The following RGS6 variants were observed in gnomAD, a reference collection of about 807,000 sequenced individuals.
RGS6 encodes the protein regulator of G protein signaling 6.
In RGS6, 30 loss-of-function variants were observed where a neutral mutation model predicts 78.5. That is an observed-to-expected ratio of 0.38 (90% CI 0.29 to 0.52). The LOEUF is 0.52. Ranked by LOEUF, RGS6 falls within the 20% of genes least tolerant of loss-of-function variation. RGS6 has a pLI of 0.85. For missense variants in RGS6, 495 were observed against 609.7 expected, an observed-to-expected ratio of 0.81 and a Z score of 1.98; for synonymous variants, 206 against 206.0, an observed-to-expected ratio of 1.00 and a Z score of 0.00.
intron 2 of RGS6, among the ~76,000 whole-genome samples, chr14:72,240,886 C>T (rs575667650): frequency 4.6e-5 from 7 of 152,228 alleles, no homozygotes; most frequent in South Asian, 2.1e-4. Context: ...TGGCCAGGCG[C>T]GGTGGCTCAC....
At chr14:72,450,443 C>T (rs994943964) in intron 3 of RGS6, among the ~76,000 whole-genome samples, 6 of 152,020 alleles carry the variant, frequency 3.9e-5, no homozygotes, top group African/African-American at 9.7e-5. Context: ...TAATAAAACA[C>T]GCATGCAATG....
At chr14:72,165,829 G>A (rs1302640851) in intron 2 of RGS6, among the ~76,000 whole-genome samples, 5 of 152,058 alleles carry the variant, frequency 3.3e-5, no homozygotes, top group African/African-American at 1.2e-4. Context: ...CCTGTTCTCT[G>A]TGGACATGTG....
At chr14:72,397,020 C>T (rs1185983064) in intron 3 of RGS6, among the ~76,000 whole-genome samples, 6 of 152,152 alleles carry the variant, frequency 3.9e-5, no homozygotes, top group African/African-American at 7.2e-5. Flanking sequence ...ATTGACTTGG[C>T]AATGCGGGCT....
the RGS6 span, among the ~76,000 whole-genome samples, chr14:71,871,828 C>A: frequency 3.9e-5 from 6 of 152,334 alleles, no homozygotes; most frequent in South Asian, 2.1e-4. Context: ...CAACAGCATT[C>A]TTTTCCTCTC....
At chr14:71,972,759 G>A (rs2093889535) in intron 2 of RGS6, among the ~76,000 whole-genome samples, 1 of 152,190 alleles carries the variant, frequency 6.6e-6, no homozygotes, top group African/African-American at 2.4e-5. Flanking sequence ...ATCAGTGGCA[G>A]TGGTAATACA....
intron 2 of RGS6, among the ~76,000 whole-genome samples, chr14:72,348,476 C>T (rs2078483903): frequency 6.6e-6 from 1 of 152,062 alleles, no homozygotes; most frequent in South Asian, 2.1e-4. Context: ...TCCTGAGAGC[C>T]CACTTGTAAT....
chr14:72,132,925 C>G (rs1249105279), intron 2 of RGS6, among the ~76,000 whole-genome samples: 3 of 151,910 alleles, frequency 2.0e-5, no homozygotes, highest in African/African-American at 7.3e-5. Context: ...GGACATTTGG[C>G]ATCAGACTAA....
intron 3 of RGS6, among the ~76,000 whole-genome samples, chr14:72,354,835 T>C (rs1330019508): frequency 1.3e-5 from 2 of 152,178 alleles, no homozygotes; most frequent in Non-Finnish European, 2.9e-5. Flanking sequence ...ATACTTGTAT[T>C]GTTAGTGTTC....
chr14:71,963,641 G>A (rs115922225), intron 1 of RGS6, among the ~76,000 whole-genome samples: 92 of 152,316 alleles, frequency 6.0e-4, no homozygotes, highest in Middle Eastern at 3.4e-3. Context: ...CACTTAGCGT[G>A]TTTTCACTTA....
intron 2 of RGS6, among the ~76,000 whole-genome samples, chr14:72,088,378 C>T (rs1037862872): frequency 2.6e-5 from 4 of 152,130 alleles, no homozygotes; most frequent in Non-Finnish European, 5.9e-5. Context: ...TGCCTTGCGC[C>T]GATTGCTGGC....
At chr14:72,080,573 C>T (rs2094777651) in intron 2 of RGS6, among the ~76,000 whole-genome samples, 1 of 151,986 alleles carries the variant, frequency 6.6e-6, no homozygotes, top group Non-Finnish European at 1.5e-5. Context: ...CTTTTAGAAC[C>T]TGATCAAAAA....
chr14:72,415,915 C>A (rs1391104777), intron 3 of RGS6, among the ~76,000 whole-genome samples: 2 of 152,058 alleles, frequency 1.3e-5, no homozygotes, highest in African/African-American at 4.8e-5. Flanking sequence ...TTCGGGAGGC[C>A]AAGGCGGGCA....
At chr14:72,100,355 C>A (rs562363089) in intron 2 of RGS6, among the ~76,000 whole-genome samples, 8 of 151,926 alleles carry the variant, frequency 5.3e-5, no homozygotes, top group African/African-American at 1.9e-4. Context: ...ATTAGCTAGG[C>A]GTGGTGGTGC....
chr14:71,967,382 A>G (rs940048321), intron 2 of RGS6, among the ~76,000 whole-genome samples: 1 of 152,106 alleles, frequency 6.6e-6, no homozygotes, highest in Non-Finnish European at 1.5e-5. Flanking sequence ...TGGGATTTTC[A>G]TATAGTTTTC....
intron 2 of RGS6, among the ~76,000 whole-genome samples, chr14:72,279,025 C>A (rs1429061327): frequency 1.3e-5 from 2 of 152,086 alleles, no homozygotes; most frequent in African/African-American, 4.8e-5. Context: ...CCGATTGAGA[C>A]CCTACCTTAT....
intron 13 of RGS6, among the ~76,000 whole-genome samples, chr14:72,507,074 C>G (rs1430815359): frequency 6.8e-6 from 1 of 148,114 alleles, no homozygotes; most frequent in African/African-American, 2.5e-5. Context: ...GAGGCTGAGG[C>G]AGGAGAATGG....
intron 1 of RGS6, among the ~76,000 whole-genome samples, chr14:71,939,457 A>C (rs546836360): frequency 6.6e-6 from 1 of 152,362 alleles, no homozygotes; most frequent in South Asian, 2.1e-4. Context: ...AAAAGTGATC[A>C]AGGTCTCTCT....
At chr14:72,044,156 C>T (rs2092656793) in intron 2 of RGS6, among the ~76,000 whole-genome samples, 1 of 152,218 alleles carries the variant, frequency 6.6e-6, no homozygotes, top group African/African-American at 2.4e-5. Flanking sequence ...TTTAGATTCT[C>T]TCTTACAGTT....
At chr14:72,208,069 G>A (rs1300146599) in intron 2 of RGS6, among the ~76,000 whole-genome samples, 2 of 152,304 alleles carry the variant, frequency 1.3e-5, no homozygotes, top group African/African-American at 2.4e-5. Flanking sequence ...CTCTGCTCTA[G>A]GGGTTGCTAA....
Sources: gnomAD v4.1 joint callset for allele counts (sites outside exome capture counted in the v4.1 genomes callset) on GRCh38, gnomAD v4.1.1 for gene constraint, MANE v1.5 for transcripts, NCBI Gene and HGNC (gene_info 2026-07-23, HGNC 2026-07-21) for gene names.